The following SQOR variants were observed in gnomAD, a reference collection of about 807,000 sequenced individuals.
SQOR encodes the protein sulfide:quinone oxidoreductase, mitochondrial.
In SQOR, 39 loss-of-function variants were observed where a neutral mutation model predicts 48.6. The ratio of observed to expected loss-of-function variants is 0.80; its 90% confidence interval spans 0.62 to 1.05. The LOEUF (loss-of-function observed/expected upper bound fraction) is 1.05. Ranked by LOEUF, SQOR falls within the 50% of genes least tolerant of loss-of-function variation. SQOR has a pLI of 0.00. For synonymous variants in SQOR, 220 were observed against 206.2 expected (o/e 1.07, Z -0.57); for missense variants, 561 against 559.9 (o/e 1.00, Z -0.02).
chr15:45,656,335 C>T (rs561775416), intron 1 of SQOR, among the ~76,000 whole-genome samples: 5 of 152,274 alleles, frequency 3.3e-5, no homozygotes, highest in East Asian at 3.9e-4. Context: ...GGGTCTCCCT[C>T]TCTTCCCAGG....
chr15:45,653,859 G>A (rs78160801), intron 1 of SQOR, among the ~76,000 whole-genome samples: 113 of 152,276 alleles, frequency 7.4e-4, no homozygotes, highest in African/African-American at 2.6e-3. Flanking sequence ...CATTTAGGCT[G>A]GGTGGGGTGG....
intron 7 of SQOR, among the ~76,000 whole-genome samples, chr15:45,686,441 C>T (rs1254441508): frequency 6.6e-6 from 1 of 152,040 alleles, no homozygotes; most frequent in Non-Finnish European, 1.5e-5. Flanking sequence ...CGTGAGCCAC[C>T]GCGCCCGGCC....
chr15:45,689,373 T>G (rs1191447981), intron 9 of SQOR, 156 bp downstream of exon 9: 1 of 618,206 alleles, frequency 1.6e-6, no homozygotes, highest in African/African-American at 1.9e-5. Flanking sequence ...ATAATAATAG[T>G]AAATCACTTT....
intron 1 of SQOR, among the ~76,000 whole-genome samples, chr15:45,650,142 T>C (rs1208020759): frequency 1.3e-5 from 2 of 150,340 alleles, no homozygotes; most frequent in East Asian, 2.2e-4. Flanking sequence ...TGTGCCTGAC[T>C]TTTTTTTAAG....
chr15:45,652,594 C>G (rs1398414476), intron 1 of SQOR, among the ~76,000 whole-genome samples: 1 of 151,572 alleles, frequency 6.6e-6, no homozygotes, highest in Non-Finnish European at 1.5e-5. Context: ...GTGACCCGCC[C>G]ACCTCAGCCT....
intron 1 of SQOR, among the ~76,000 whole-genome samples, chr15:45,654,135 G>A (rs72715017): frequency 0.25 from 36,556 of 146,864 alleles, 4,795 homozygotes; most frequent in Admixed American, 0.33. Flanking sequence ...AAAAAAAAAA[G>A]TGGCATTAAA....
chr15:45,632,133 T>C (rs1408833682), upstream of SQOR: 1 of 152,188 alleles, frequency 6.6e-6, no homozygotes, highest in Non-Finnish European at 1.5e-5. Context: ...GATAGTAGAA[T>C]ACATACACTG....
At chr15:45,658,836 TG>T in intron 1 of SQOR, 70 bp from the exon 2 acceptor site, 1 of 1,252,584 alleles carries the variant, frequency 8.0e-7, no homozygotes. Context: ...CCCTTCCTCC[TG>T]GAAAGAAAAC....
intron 3 of SQOR, 86 bp from the exon 4 acceptor site, chr15:45,669,842 C>T (rs1889906539): frequency 8.7e-7 from 1 of 1,143,594 alleles, no homozygotes; most frequent in Non-Finnish European, 1.3e-6. Context: ...CCTTAGACCA[C>T]ATGGAACCAC....
intron 6 of SQOR, among the ~76,000 whole-genome samples, chr15:45,677,996 C>T (rs1314142448): frequency 1.3e-5 from 2 of 150,460 alleles, no homozygotes; most frequent in African/African-American, 2.4e-5. Context: ...CATGAGCCAT[C>T]GCACCTGGCC....
At chr15:45,686,116 G>T (rs1566924280) in intron 7 of SQOR, among the ~76,000 whole-genome samples, 1 of 151,932 alleles carries the variant, frequency 6.6e-6, no homozygotes, top group Non-Finnish European at 1.5e-5. Flanking sequence ...AAAATGTTGG[G>T]ATTATAGGCA....
intron 9 of SQOR, 47 bp downstream of exon 9, chr15:45,689,264 C>A: frequency 1.3e-6 from 2 of 1,586,992 alleles, no homozygotes. Context: ...ATTTGTAGCA[C>A]ATCTCCACCC....
Position 45,676,308 on chromosome 15 carries a change from T to G in SQOR, c.862T>G (p.Ser288Ala). The G allele has an allele frequency of 6.2e-7, 1 of 1,613,898 alleles. No individual in the cohort carries two copies. Among genetic ancestry groups the G allele is most frequent in the Non-Finnish European group, 8.5e-7 (1 of 1,179,870 alleles). Residue 288 changes from serine (S) to alanine (A), a missense_variant and splice_region_variant, in exon 6 of 10, where the codon TCA (serine) becomes GCA (alanine). Physicochemically the swap from Ser to Ala is moderately conservative, Grantham distance 99 (BLOSUM62 1). Transcript: ENST00000260324. ...LDKPGETQVISYEMLHVTPPM... is the reference protein window; with the variant it reads ...LDKPGETQVIAYEMLHVTPPM... ...CAAACCAGGAGAGACCCAAGTGATT[T>G]CAGTGAGTGGTGAGGCTAAGCTGTC... is the stretch of plus-strand genomic sequence containing the variant.
chr15:45,662,237 G>C (rs1222746704), intron 3 of SQOR, 112 bp downstream of exon 3: 1 of 1,141,408 alleles, frequency 8.8e-7, no homozygotes, highest in Non-Finnish European at 1.3e-6. Context: ...GCATGTGTGT[G>C]CATGAACGTA....
chr15:45,679,916 A>G (rs1890098019), intron 6 of SQOR, among the ~76,000 whole-genome samples: 1 of 152,178 alleles, frequency 6.6e-6, no homozygotes, highest in African/African-American at 2.4e-5. Context: ...ATTTTCCACA[A>G]GTCTCCCCAA....
intron 3 of SQOR, among the ~76,000 whole-genome samples, chr15:45,665,043 A>G (rs889437145): frequency 1.3e-5 from 2 of 152,124 alleles, no homozygotes; most frequent in Admixed American, 6.5e-5. Flanking sequence ...TCTCTTTGGT[A>G]CAGCAGGGCC....
At position 45,653,260 on chromosome 15, in the gene SQOR, G is replaced by A. The variant is rs139178435; in HGVS notation, c.-17-5647G>A. 1.4e-4 allele frequency among the ~76,000 whole-genome samples: 22 copies of A among 152,280 alleles called. 1 individual carries two copies. In the East Asian group the frequency reaches 3.9e-3, roughly 27 times the overall value. On this transcript the variant is annotated intron_variant, in intron 1 of 9. Coordinates refer to ENST00000260324, the MANE Select transcript of SQOR (RefSeq NM_021199.4). ...CTCACTTCAGACGCCAGCCAGGCAG[G>A]GCATCTGCTGCTGGCCCCAAGGGGA...
intron 3 of SQOR, among the ~76,000 whole-genome samples, chr15:45,665,883 C>T (rs1486096308): frequency 2.6e-5 from 4 of 152,182 alleles, no homozygotes; most frequent in Admixed American, 2.6e-4. Flanking sequence ...CGTGCCCAGC[C>T]CATTCCATTC....
At chr15:45,632,789 T>C (rs1157789505), upstream of SQOR, among the ~76,000 whole-genome samples, 9 of 151,988 alleles carry the variant, frequency 5.9e-5, no homozygotes, top group Non-Finnish European at 1.2e-4. Context: ...TCCCTTGCTA[T>C]GTGAACAGGG....
Sources: allele counts gnomAD v4.1 joint callset (sites outside exome capture counted in the v4.1 genomes callset), GRCh38; gene constraint gnomAD v4.1.1; transcripts MANE v1.5; gene names NCBI Gene and HGNC (gene_info 2026-07-23, HGNC 2026-07-21).